FREM3: variants seen among roughly 807,000 people sequenced by gnomAD.
FREM3 encodes FRAS1-related extracellular matrix protein 3.
Under a neutral mutation model 129.1 loss-of-function variants are expected in FREM3, and 105 were observed. The observed-to-expected ratio is 0.81, with a 90% CI of 0.69 to 0.96. The LOEUF (loss-of-function observed/expected upper bound fraction) is 0.96. Among genes scored for constraint, FREM3 ranks in the 40% least tolerant of loss-of-function variants. FREM3 has a pLI of 0.00. For missense variants in FREM3, 2,593 were observed against 2,666.3 expected (o/e 0.97, Z 0.61); for synonymous variants, 1,014 against 1,044.9 (o/e 0.97, Z 0.57).
chr4:143,618,036 A>G (rs999183613), intron 5 of FREM3, among the ~76,000 whole-genome samples: 2 of 152,228 alleles, frequency 1.3e-5, no homozygotes, highest in Non-Finnish European at 2.9e-5. Flanking sequence ...GATGGTAAAC[A>G]GCCCAGTTGA....
chr4:143,636,373 G>A (rs1739234375), intron 2 of FREM3, among the ~76,000 whole-genome samples: 1 of 148,556 alleles, frequency 6.7e-6, no homozygotes, highest in Admixed American at 6.7e-5. Flanking sequence ...AGATGGTCAA[G>A]CTGAAGGAGA....
chr4:143,685,804 G>A lies in FREM3; in HGVS notation c.5275+7309C>T, dbSNP rs559164757. Among the ~76,000 whole-genome samples, 3 of 151,736 alleles carry A rather than the reference G, an allele frequency of 2.0e-5. No individual in the cohort carries two copies. The South Asian group carries it at 6.3e-4, about 32-fold the overall frequency. On this transcript the variant is annotated intron_variant, in intron 2 of 7. Transcript: ENST00000329798. ...ATGTTCTCACTCATAAGTGGGAGTC[G>A]AACAATGAGAACACATGGACACAGC...
chr4:143,627,114 T>C (rs1167929786), intron 3 of FREM3, among the ~76,000 whole-genome samples: 1 of 152,156 alleles, frequency 6.6e-6, no homozygotes, highest in African/African-American at 2.4e-5. Context: ...TAGGTCCTTG[T>C]AGAACATAAA....
chr4:143,687,199 A>T (rs1041492658), intron 2 of FREM3, among the ~76,000 whole-genome samples: 1 of 152,196 alleles, frequency 6.6e-6, no homozygotes, highest in Non-Finnish European at 1.5e-5. Context: ...ACAAAAGAGC[A>T]TTCAAGGCTG....
intron 2 of FREM3, among the ~76,000 whole-genome samples, chr4:143,675,767 A>G (rs1159509010): frequency 1.3e-5 from 2 of 152,246 alleles, no homozygotes; most frequent in Non-Finnish European, 2.9e-5. Flanking sequence ...AAACACCTCT[A>G]TGCAAATAAA....
intron 5 of FREM3, among the ~76,000 whole-genome samples, chr4:143,612,484 A>T (rs1401055720): frequency 3.9e-5 from 6 of 152,130 alleles, no homozygotes; most frequent in Admixed American, 2.6e-4. Context: ...AATTTGGGTT[A>T]TTTCTAGTTC....
At chr4:143,598,694 A>C (rs1036250253) in intron 6 of FREM3, among the ~76,000 whole-genome samples, 5 of 152,200 alleles carry the variant, frequency 3.3e-5, no homozygotes, top group Non-Finnish European at 4.4e-5. Flanking sequence ...TCAATGGTTG[A>C]CCATATATAT....
intron 2 of FREM3, among the ~76,000 whole-genome samples, chr4:143,675,248 G>A (rs555716450): frequency 2.4e-4 from 37 of 152,086 alleles, no homozygotes; most frequent in South Asian, 8.3e-4. Context: ...ACTCAAAACC[G>A]CTCAACTACA....
intron 3 of FREM3, among the ~76,000 whole-genome samples, chr4:143,626,937 A>T (rs1739047138): frequency 6.6e-6 from 1 of 152,156 alleles, no homozygotes; most frequent in African/African-American, 2.4e-5. Context: ...TTCTTAATAG[A>T]TTATGTAAAT....
At chr4:143,663,411 C>T (rs1173022856) in intron 2 of FREM3, among the ~76,000 whole-genome samples, 2 of 152,042 alleles carry the variant, frequency 1.3e-5, no homozygotes, top group Non-Finnish European at 2.9e-5. Context: ...GAATATTGGC[C>T]CCCACTCTCT....
Position 143,700,381 on chromosome 4 carries a change from C to T in FREM3, c.295G>A (p.Val99Ile). Residue 99 changes from valine (V) to isoleucine (I), a missense_variant, in exon 1 of 8, where the codon GTA (valine) becomes ATA (isoleucine). Coordinates refer to ENST00000329798, the MANE Select transcript of FREM3 (RefSeq NM_001168235.2). ...VQPGDRCEVT[V>I]LDALPRLKGA... ...TTGAGCCGCGGCAGGGCGTCCAGTA[C>T]CGTGACTTCGCACCGGTCCCCCGGC... The T allele has an allele frequency of 6.5e-7, 1 of 1,535,130 alleles. No individual in the cohort carries two copies. Among genetic ancestry groups the T allele is most frequent in the Non-Finnish European group, 8.7e-7 (1 of 1,146,208 alleles).
chr4:143,580,635 C>T (rs538205843), intron 7 of FREM3, among the ~76,000 whole-genome samples: 185 of 152,258 alleles, frequency 1.2e-3, no homozygotes, highest in Middle Eastern at 6.8e-3. Flanking sequence ...CAACTTGCCT[C>T]CACTGAACTC....
In FREM3 at chr4:143,699,005, C is replaced by T. The variant is rs1740637256; in HGVS notation, c.1671G>A (p.Gly557=). The T allele has an allele frequency of 6.5e-7, 1 of 1,537,282 alleles. No homozygotes were observed. Among genetic ancestry groups the T allele is most frequent in the Non-Finnish European group, 8.7e-7 (1 of 1,146,912 alleles). ...CAAAGGGAGAGATCTGGACCACCTG[C>T]CCTTCAGTGAGTGAGAGTCCTGTGT... ...NTNTGLSLTE[G]QVVQISPFVL... Residue 557 remains glycine (G), a synonymous_variant, in exon 1 of 8, where the codon GGG becomes GGA. Coordinates refer to ENST00000329798, the MANE Select transcript of FREM3 (RefSeq NM_001168235.2). This position sits in a 1 kb window ranked among gnomAD's most constrained non-coding sequence, Gnocchi z 4.2.
chr4:143,653,375 G>T (rs1009627089), intron 2 of FREM3, among the ~76,000 whole-genome samples: 1 of 152,176 alleles, frequency 6.6e-6, no homozygotes, highest in Admixed American at 6.5e-5. Context: ...TACTGGTTTT[G>T]ACTGGAGGCT....
intron 4 of FREM3, among the ~76,000 whole-genome samples, chr4:143,623,505 C>CA (rs916009384): frequency 7.4e-6 from 1 of 134,580 alleles, no homozygotes; most frequent in African/African-American, 2.9e-5. Context: ...CCCCCCCCCC[C>CA]CCACCATTTA....
chr4:143,697,394 A>G lies in FREM3; in HGVS notation c.3282T>C (p.His1094=), dbSNP rs776267697. Residue 1094 remains histidine, a synonymous_variant, in exon 1 of 8, where the codon CAT becomes CAC. Coordinates refer to ENST00000329798, the MANE Select transcript of FREM3 (RefSeq NM_001168235.2). ...CTTGATGAGTGTCCACATCTTCAAC[A>G]TGGAGATGTTGTAAGGTCAAGGAGT... is the stretch of plus-strand genomic sequence containing the variant. ...EKNSLTLQHL[H]VEDVDTHQDE... 5.9e-6 allele frequency: 9 copies of G among 1,537,116 alleles called. No individual in the cohort carries two copies. Among genetic ancestry groups the G allele is most frequent in the South Asian group, 1.2e-5 (1 of 84,052 alleles).
chr4:143,694,824 C>T (rs1740536516), intron 1 of FREM3, among the ~76,000 whole-genome samples: 1 of 152,100 alleles, frequency 6.6e-6, no homozygotes, highest in Admixed American at 6.5e-5. Flanking sequence ...TCTAGGTTTA[C>T]ATGTATCATG....
chr4:143,621,728 TTGTG>T (rs1036372907), intron 4 of FREM3, among the ~76,000 whole-genome samples: 6 of 151,754 alleles, frequency 4.0e-5, no homozygotes, highest in African/African-American at 1.2e-4. Flanking sequence ...GCACACACGT[TTGTG>T]TGTGTGTGTA....
intron 2 of FREM3, among the ~76,000 whole-genome samples, chr4:143,680,466 TC>T (rs1740229888): frequency 6.6e-6 from 1 of 152,088 alleles, no homozygotes; most frequent in Admixed American, 6.6e-5. Context: ...ACTTATGCAT[TC>T]CTCTGTATTA....
Sources: gnomAD v4.1 joint callset for allele counts (sites outside exome capture counted in the v4.1 genomes callset) on GRCh38, gnomAD v4.1.1 for gene constraint, Gnocchi (gnomAD v3.1) non-coding constraint, MANE v1.5 for transcripts, NCBI Gene and HGNC (gene_info 2026-07-23, HGNC 2026-07-21) for gene names.